Variants in CLEC2A observed in about 807,000 individuals in gnomAD.
CLEC2A encodes C-type lectin domain family 2 member A.
In CLEC2A, 19 loss-of-function variants were observed where a neutral mutation model predicts 18.6. The observed-to-expected ratio is 1.02, with a 90% CI of 0.71 to 1.50. CLEC2A has a LOEUF of 1.50. Ranked by LOEUF, CLEC2A falls within the 40% of genes most tolerant of loss-of-function variation. The probability of loss-of-function intolerance (pLI) is 0.00; values close to 1 mark genes in which losing one functional copy is unlikely to be tolerated. For synonymous variants in CLEC2A, 74 were observed against 64.0 expected (o/e 1.16, Z -0.75); for missense variants, 190 against 207.9 (o/e 0.91, Z 0.53).
chr12:9,916,295 T>C (rs1210074000), intron 4 of CLEC2A, among the ~76,000 whole-genome samples: 1 of 152,030 alleles, frequency 6.6e-6, no homozygotes, highest in Non-Finnish European at 1.5e-5. Flanking sequence ...TAAAGACAAC[T>C]ATAAAGTCTT....
chr12:9,911,833 C>T (rs919090865), downstream of CLEC2A, among the ~76,000 whole-genome samples: 4 of 151,996 alleles, frequency 2.6e-5, no homozygotes, highest in Admixed American at 1.3e-4. Context: ...GATATCTAAC[C>T]TGATAGGGTT....
chr12:9,899,105 G>A (rs1439162543), intron 4 of CLEC2A: 55 of 523,360 alleles, frequency 1.1e-4, no homozygotes, highest in Non-Finnish European at 1.5e-4. Context: ...AGAGGCAGGC[G>A]AAAAGCCCTA....
Position 9,926,354 on chromosome 12 carries a change from AATC to A in CLEC2A, c.56-14_56-12del, listed in dbSNP as rs1321742034. The A allele has an allele frequency of 1.3e-6, 2 of 1,498,570 alleles. No individual in the cohort carries two copies. Among genetic ancestry groups the A allele is most frequent in the Non-Finnish European group, 1.8e-6 (2 of 1,098,876 alleles). The allele number at this position is 1,498,570 out of a possible 1,614,324, so 92.8% of individuals were successfully genotyped here. A position where few individuals can be genotyped will look rare whatever the true frequency, so the allele number is the denominator to read the frequency against. On this transcript the variant is annotated splice_polypyrimidine_tract_variant and intron_variant, in intron 1 of 4. Transcript: ENST00000455827. ...GTATCAACTTGGGAACTGCAAATTA[AATC>A]AACACATATTTTACAATTTCTGAAT...
the CLEC2A span, among the ~76,000 whole-genome samples, chr12:9,878,117 T>C: frequency 1.9e-5 from 2 of 104,174 alleles, no homozygotes; most frequent in Non-Finnish European, 4.9e-5. Flanking sequence ...AGACCCTGTC[T>C]GAAAAAAAAA....
At chr12:9,896,474 C>T (rs1440206040), downstream of CLEC2A, among the ~76,000 whole-genome samples, 1 of 151,504 alleles carries the variant, frequency 6.6e-6, no homozygotes, top group African/African-American at 2.4e-5. Flanking sequence ...AAAAGCAAAT[C>T]CGTGCATGTA....
At chr12:9,907,422 T>A (rs1862921555) in intron 4 of CLEC2A, among the ~76,000 whole-genome samples, 1 of 152,226 alleles carries the variant, frequency 6.6e-6, no homozygotes, top group African/African-American at 2.4e-5. Flanking sequence ...CAACTAATCC[T>A]AAACATTTTT....
downstream of CLEC2A, among the ~76,000 whole-genome samples, chr12:9,898,309 C>A (rs1318753771): frequency 6.6e-6 from 1 of 152,208 alleles, no homozygotes; most frequent in South Asian, 2.1e-4. Context: ...GATCCTTCCT[C>A]GGGAAACTGA....
Position 9,922,235 on chromosome 12 carries a change from GA to G in CLEC2A, c.140-4del, listed in dbSNP as rs760533870. The G allele has an allele frequency of 9.0e-5, 133 of 1,477,172 alleles. No homozygotes were observed. Among genetic ancestry groups the G allele is most frequent in the South Asian group, 3.3e-4 (24 of 71,670 alleles). 91.5% of individuals were successfully genotyped at this position (1,477,172 alleles called of 1,614,324 possible). A position where few individuals can be genotyped will look rare whatever the true frequency, so the allele number is the denominator to read the frequency against. On this transcript the variant is annotated splice_polypyrimidine_tract_variant and splice_region_variant and intron_variant, in intron 2 of 4. Transcript: ENST00000455827. Reference sequence around the variant, plus strand: ...TTTAGCATGCTTGGACCATGTGGCTGAAAAAAAAAGAAAGAAATGATCAGAT... The same window carrying G: ...TTTAGCATGCTTGGACCATGTGGCTGAAAAAAAAGAAAGAAATGATCAGAT...
At chr12:9,924,021 G>C (rs1025939807) in intron 2 of CLEC2A, among the ~76,000 whole-genome samples, 11 of 152,016 alleles carry the variant, frequency 7.2e-5, no homozygotes, top group Admixed American at 5.9e-4. Context: ...TGTAAATGAC[G>C]AGTTAATGGG....
intron 3 of CLEC2A, among the ~76,000 whole-genome samples, chr12:9,919,218 G>A (rs1398604121): frequency 6.6e-6 from 1 of 152,240 alleles, no homozygotes; most frequent in Non-Finnish European, 1.5e-5. Context: ...CCAACTTGGA[G>A]GCAGCAATGG....
chr12:9,913,810 C>A, intron 4 of CLEC2A, 130 bp from the exon 5 acceptor site: 1 of 572,950 alleles, frequency 1.7e-6, no homozygotes, highest in Middle Eastern at 2.9e-4. Context: ...CCACCCATCA[C>A]CATATGCTGC....
chr12:9,878,509 A>G, the CLEC2A span, among the ~76,000 whole-genome samples: 19 of 152,320 alleles, frequency 1.2e-4, no homozygotes, highest in African/African-American at 4.6e-4. Flanking sequence ...GACAGAACTT[A>G]ATTACTAACT....
At chr12:9,920,358 A>G (rs1245560507) in intron 3 of CLEC2A, among the ~76,000 whole-genome samples, 4 of 152,140 alleles carry the variant, frequency 2.6e-5, no homozygotes, top group Non-Finnish European at 4.4e-5. Context: ...TTGAAGCTCC[A>G]CTTAGCTCTG....
At chr12:9,930,487 C>T (rs1247482139) in intron 1 of CLEC2A, among the ~76,000 whole-genome samples, 1 of 151,912 alleles carries the variant, frequency 6.6e-6, no homozygotes, top group Admixed American at 6.6e-5. Context: ...ACATCTAGTT[C>T]TCTCGTCTTT....
In CLEC2A at chr12:9,915,544, T is replaced by A. The variant is rs1591791272; in HGVS notation, c.410+1156A>T. 2.6e-5 allele frequency among the ~76,000 whole-genome samples: 4 copies of A among 152,168 alleles called. No individual in the cohort carries two copies. The South Asian group carries it at 8.3e-4, about 32-fold the overall frequency. On this transcript the variant is annotated intron_variant, in intron 4 of 4. Transcript: ENST00000455827. ...AACCATAAAAAAGAATGAGTCCATG[T>A]TCTTTGCAGGGACATGGATGAATCT...
chr12:9,923,538 G>C (rs993657993), intron 2 of CLEC2A, among the ~76,000 whole-genome samples: 1 of 152,106 alleles, frequency 6.6e-6, no homozygotes, highest in African/African-American at 2.4e-5. Context: ...CAGGGATCTA[G>C]AACTAGAAAT....
Position 9,926,297 on chromosome 12 carries a change from C to T in CLEC2A, c.102G>A (p.Leu34=), listed in dbSNP as rs931989463. The T allele has an allele frequency of 1.4e-5, 21 of 1,549,480 alleles. No homozygotes were observed. Among genetic ancestry groups the T allele is most frequent in the Admixed American group, 7.8e-5 (4 of 50,972 alleles). The part of the protein sequence containing the change: ...QNWKIGLMCF[L]SIIITTVCII... ...TGCAAACTGTAGTAATAATAATACT[C>T]AGGAAGCACATAAGGCCAATCTTCC... The change falls in exon 2 of 5, where the codon CTG becomes CTA. Residue 34 remains leucine, a synonymous_variant. Coordinates refer to ENST00000455827, the MANE Select transcript of CLEC2A (RefSeq NM_001130711.2).
intron 4 of CLEC2A, among the ~76,000 whole-genome samples, chr12:9,899,176 C>T (rs1406446291): frequency 6.6e-6 from 1 of 152,000 alleles, no homozygotes; most frequent in Non-Finnish European, 1.5e-5. Flanking sequence ...GGTTCCCTTC[C>T]CCTGAGCCCA....
At chr12:9,932,009 AT>A (rs1261849861) in intron 1 of CLEC2A, among the ~76,000 whole-genome samples, 1 of 152,174 alleles carries the variant, frequency 6.6e-6, no homozygotes, top group African/African-American at 2.4e-5. Flanking sequence ...GTGAAAGTAC[AT>A]TTTAAAAATA....
Sources: allele counts gnomAD v4.1 joint callset (sites outside exome capture counted in the v4.1 genomes callset), GRCh38; gene constraint gnomAD v4.1.1; transcripts MANE v1.5; gene names NCBI Gene and HGNC (gene_info 2026-07-23, HGNC 2026-07-21).